APEH: variants seen among roughly 807,000 people sequenced by gnomAD.
APEH encodes acylamino-acid-releasing enzyme.
Under a neutral mutation model 102.7 loss-of-function variants are expected in APEH, and 75 were observed. The observed-to-expected ratio is 0.73, with a 90% CI of 0.61 to 0.89. APEH has a LOEUF of 0.89. Among genes scored for constraint, APEH ranks in the 40% least tolerant of loss-of-function variants. The pLI is 0.00. For synonymous variants in APEH, 344 were observed against 362.7 expected, an observed-to-expected ratio of 0.95 and a Z score of 0.59; for missense variants, 863 against 941.2, an observed-to-expected ratio of 0.92 and a Z score of 1.09.
At chr3:49,677,844 AGTG>A (rs1303286629) in intron 11 of APEH, among the ~76,000 whole-genome samples, 1 of 152,134 alleles carries the variant, frequency 6.6e-6, no homozygotes. Context: ...AATAGCAAGG[AGTG>A]GTAGGACCAA....
intron 5 of APEH, 23 bp from the exon 6 acceptor site, chr3:49,676,031 CCT>C (rs751153352): frequency 1.5e-5 from 24 of 1,614,056 alleles, no homozygotes; most frequent in Admixed American, 8.3e-5. Context: ...CTGGGCCCCC[CCT>C]GATTGGCCCT....
chr3:49,676,339 C>A (rs919595067), intron 6 of APEH, 39 bp from the exon 7 acceptor site: 4 of 1,613,840 alleles, frequency 2.5e-6, no homozygotes, highest in Non-Finnish European at 3.4e-6. Context: ...AGAGCAGGTC[C>A]TATAGACAGG....
At chr3:49,673,202 G>A (rs1575459655), upstream of APEH, among the ~76,000 whole-genome samples, 1 of 145,012 alleles carries the variant, frequency 6.9e-6, no homozygotes, top group Non-Finnish European at 1.5e-5. Flanking sequence ...TCAATCACAA[G>A]CACGCCATGG....
In APEH at chr3:49,681,086, C is replaced by G. The variant is rs759757859; in HGVS notation, c.1300-15C>G. 26 of 1,564,948 alleles carry G rather than the reference C, an allele frequency of 1.7e-5. No individual in the cohort carries two copies. Among genetic ancestry groups the G allele is most frequent in the Non-Finnish European group, 2.0e-5 (23 of 1,153,834 alleles). The stretch of plus-strand genomic sequence containing the variant: ...GCAGCCAGGCCACCTATGACACATT[C>G]TTTCCCCTTGGCAGAAAGTTGGGTT... On this transcript the variant is annotated splice_polypyrimidine_tract_variant and intron_variant, in intron 14 of 21. Coordinates refer to ENST00000296456, the MANE Select transcript of APEH (RefSeq NM_001640.4).
In APEH at chr3:49,676,792, T is replaced by G. The variant is rs1131095; in HGVS notation, c.852T>G (p.Tyr284Ter). ...FCTNRRSALYYVDLIGGKCEL... is the reference protein window; with the variant it reads ...FCTNRRSALY ...GTGGTTCCAGGTCAGCCCTGTATTA[T>G]GTGGACCTCATCGGGGGGAAGTGTG... is the stretch of plus-strand genomic sequence containing the variant. Residue 284 changes from tyrosine to a stop codon, truncating the protein, a stop_gained, in exon 9 of 22, where the codon TAT becomes TAG. Transcript: ENST00000296456. LOFTEE classifies it high-confidence loss of function. 1 of 1,614,116 alleles carries G rather than the reference T, an allele frequency of 6.2e-7. No individual in the cohort carries two copies. Among genetic ancestry groups the G allele is most frequent in the South Asian group, 1.1e-5 (1 of 91,088 alleles).
In APEH at chr3:49,677,577, A is replaced by G; in HGVS notation, c.1004A>G (p.Asp335Gly). 1 of 1,613,564 alleles carries G rather than the reference A, an allele frequency of 6.2e-7. No individual in the cohort carries two copies. The highest frequency in any genetic ancestry group is 8.5e-7 in the Non-Finnish European group (1 of 1,179,514). ...HHQCSQLCLY[D>G]WYTKVTSVVV... ...GACCATTGTGTTCTCTTGCAGTATG[A>G]CTGGTATACCAAGGTTACCTCAGTG... Residue 335 changes from aspartate to glycine, a missense_variant, in exon 11 of 22, where the codon GAC becomes GGC. Physicochemically the swap from Asp to Gly is moderately conservative, Grantham distance 94. Coordinates refer to ENST00000296456, the MANE Select transcript of APEH (RefSeq NM_001640.4).
In APEH at chr3:49,679,141, T is replaced by C. The variant is rs1341670570; in HGVS notation, c.1158+192T>C. Among the ~76,000 whole-genome samples the C allele has an allele frequency of 2.4e-4, 36 of 152,182 alleles. 1 individual carries two copies. The highest frequency in any genetic ancestry group is 2.4e-3 in the Admixed American group (36 of 15,290). ...CTGCCCTGGTGCACCACAGCAGAAC[T>C]CAGGCCTTTTCGTCTGAGGCAGAGA... On this transcript the variant is annotated intron_variant, in intron 12 of 21. Coordinates refer to ENST00000296456, the MANE Select transcript of APEH (RefSeq NM_001640.4). This position sits in a 1 kb window ranked among gnomAD's most constrained non-coding sequence, Gnocchi z 4.3.
chr3:49,680,462 C>T (rs1169641559), intron 13 of APEH, 79 bp from the exon 14 acceptor site: 3 of 1,326,438 alleles, frequency 2.3e-6, no homozygotes, highest in African/African-American at 2.9e-5. Context: ...GAGTCTCCAG[C>T]CTGGGACTCT....
chr3:49,681,826 G>T, intron 16 of APEH, 21 bp downstream of exon 16: 1 of 1,610,990 alleles, frequency 6.2e-7, no homozygotes, highest in Non-Finnish European at 8.5e-7. Flanking sequence ...GGCGTTAAGA[G>T]CCCTTGCCCT....
chr3:49,676,534 T>G lies in APEH; in HGVS notation c.744+19T>G. On this transcript the variant is annotated intron_variant, in intron 7 of 21. Coordinates refer to ENST00000296456, the MANE Select transcript of APEH (RefSeq NM_001640.4). Reference sequence around the variant, plus strand: ...TGGACAGGTCAGCAGCAACAGCCTGTGTCCCCCCTGGAGTCTGGGACCCTT... The same window carrying G: ...TGGACAGGTCAGCAGCAACAGCCTGGGTCCCCCCTGGAGTCTGGGACCCTT... The G allele has an allele frequency of 6.8e-6, 11 of 1,614,240 alleles. No homozygotes were observed. The highest frequency in any genetic ancestry group is 9.3e-6 in the Non-Finnish European group (11 of 1,180,036).
At chr3:49,673,517 C>A (rs1173719885), upstream of APEH, among the ~76,000 whole-genome samples, 1 of 152,112 alleles carries the variant, frequency 6.6e-6, no homozygotes, top group Admixed American at 6.5e-5. Context: ...GTAAAGGCTG[C>A]GGGGATAGAT....
intron 5 of APEH, 37 bp from the exon 6 acceptor site, chr3:49,676,019 C>T (rs1441267529): frequency 4.3e-6 from 7 of 1,614,154 alleles, no homozygotes; most frequent in Non-Finnish European, 5.1e-6. Flanking sequence ...GTAGCCGTAG[C>T]CCTGGGCCCC....
At position 49,681,120 on chromosome 3, in the gene APEH, C is replaced by G. The variant is rs775583716; in HGVS notation, c.1319C>G (p.Ser440Cys). 3.8e-6 allele frequency: 6 copies of G among 1,595,168 alleles called. No individual in the cohort carries two copies. Among genetic ancestry groups the G allele is most frequent in the Non-Finnish European group, 5.1e-6 (6 of 1,170,192 alleles). Residue 440 changes from serine to cysteine, a missense_variant, in exon 15 of 22, where the codon TCT (serine) becomes TGT (cysteine). By Grantham distance (112) the Ser-to-Cys change is moderately radical. Coordinates refer to ENST00000296456, the MANE Select transcript of APEH (RefSeq NM_001640.4). ...TGGCAGAAAGTTGGGTTCCTGCCTTCTGCAGGGAAGGAGCAGTCAGTGTTG... is the reference window on the plus strand; with the variant it reads ...TGGCAGAAAGTTGGGTTCCTGCCTTGTGCAGGGAAGGAGCAGTCAGTGTTG... The part of the protein sequence containing the change: ...PPTLKVGFLP[S>C]AGKEQSVLWV...
chr3:49,681,198 G>A lies in APEH; in HGVS notation c.1397G>A (p.Arg466Gln), dbSNP rs113937135. The A allele has an allele frequency of 4.5e-4, 725 of 1,608,512 alleles. 4 individuals carry two copies. In the African/African-American group the frequency reaches 7.6e-3, roughly 17 times the overall value. The change falls in exon 15 of 22, where the codon CGG (arginine) becomes CAG (glutamine). Residue 466 changes from arginine to glutamine, a missense_variant. Physicochemically the swap from Arg to Gln is conservative, Grantham distance 43. Coordinates refer to ENST00000296456, the MANE Select transcript of APEH (RefSeq NM_001640.4). ...ATTCCCGACATCCACTGGGGCATCCGGGTGCTACAGCCACCCCCAGAGCAA... is the reference window on the plus strand; with the variant it reads ...ATTCCCGACATCCACTGGGGCATCCAGGTGCTACAGCCACCCCCAGAGCAA... ...EPIPDIHWGI[R>Q]VLQPPPEQEN...
Position 49,676,528 on chromosome 3 carries a change from A to G in APEH, c.744+13A>G. On this transcript the variant is annotated intron_variant, in intron 7 of 21. Coordinates refer to ENST00000296456, the MANE Select transcript of APEH (RefSeq NM_001640.4). ...GTCCCCTGGACAGGTCAGCAGCAAC[A>G]GCCTGTGTCCCCCCTGGAGTCTGGG... The G allele has an allele frequency of 6.2e-7, 1 of 1,614,258 alleles. No individual in the cohort carries two copies. Among genetic ancestry groups the G allele is most frequent in the Non-Finnish European group, 8.5e-7 (1 of 1,180,034 alleles).
At position 49,675,163 on chromosome 3, in the gene APEH, T is replaced by C; in HGVS notation, c.146-20T>C. On this transcript the variant is annotated intron_variant, in intron 2 of 21. Transcript: ENST00000296456. ...GGAGTAGCCAAGACAAGGTGAGCAG[T>C]CTCATGCCTCCCCTCACAGAGTGGA... The C allele has an allele frequency of 6.2e-7, 1 of 1,613,416 alleles. No individual in the cohort carries two copies. The highest frequency in any genetic ancestry group is 8.5e-7 in the Non-Finnish European group (1 of 1,179,654).
intron 10 of APEH, 35 bp from the exon 11 acceptor site, chr3:49,677,538 C>T: frequency 3.8e-6 from 6 of 1,583,560 alleles, no homozygotes; most frequent in African/African-American, 1.3e-5. Context: ...AACTGCCTGT[C>T]CCCTACTGGA....
rs755663119 is a variant in APEH at position 49,682,567 on chromosome 3, C to T, written c.1714C>T (p.Gln572Ter). The T allele has an allele frequency of 6.2e-7, 1 of 1,614,104 alleles. No individual in the cohort carries two copies. The highest frequency in any genetic ancestry group is 1.1e-5 in the South Asian group (1 of 91,086). The change falls in exon 19 of 22, where the codon CAG (glutamine) becomes TAG (stop). Residue 572 changes from glutamine to a stop codon, truncating the protein, a stop_gained. Transcript: ENST00000296456. LOFTEE classifies it high-confidence loss of function. ...GCAGTTTGCAGTGGAACAGGTGCTC[C>T]AGGAGGAACACTTTGATGCAAGCCA... is the stretch of plus-strand genomic sequence containing the variant. ...DVQFAVEQVLQEEHFDASHVA... is the reference protein window; with the variant it reads ...DVQFAVEQVL
Position 49,676,378 on chromosome 3 carries a change from G to A in APEH, c.607G>A (p.Gly203Arg), listed in dbSNP as rs2108118054. The part of the protein sequence containing the change: ...RLKKPDQAIK[G>R]DQFVFYEDWG... ...GGCATTGAGTATCTTGTGTTCTCAGGGGGATCAGTTTGTGTTTTATGAAGA... is the reference window on the plus strand; with the variant it reads ...GGCATTGAGTATCTTGTGTTCTCAGAGGGATCAGTTTGTGTTTTATGAAGA... Residue 203 changes from glycine (G) to arginine (R), a missense_variant and splice_region_variant, in exon 7 of 22, where the codon GGG becomes AGG. Coordinates refer to ENST00000296456, the MANE Select transcript of APEH (RefSeq NM_001640.4). 1 of 1,614,198 alleles carries A rather than the reference G, an allele frequency of 6.2e-7. No individual in the cohort carries two copies.
Sources: allele counts gnomAD v4.1 joint callset (sites outside exome capture counted in the v4.1 genomes callset), GRCh38; gene constraint gnomAD v4.1.1; non-coding constraint Gnocchi (gnomAD v3.1); transcripts MANE v1.5; gene names NCBI Gene and HGNC (gene_info 2026-07-23, HGNC 2026-07-21).